Variants in TINAGL1 observed in about 807,000 individuals in gnomAD.
TINAGL1 encodes the protein tubulointerstitial nephritis antigen-like.
A neutral mutation model predicts 62.0 loss-of-function variants in TINAGL1; 34 were observed. The observed-to-expected ratio is 0.55, with a 90% confidence interval of 0.42 to 0.73. TINAGL1 has a LOEUF of 0.73. Ranked by LOEUF, TINAGL1 falls within the 30% of genes least tolerant of loss-of-function variation. TINAGL1 has a pLI of 0.00. For synonymous variants in TINAGL1, 221 were observed against 249.7 expected (o/e 0.88, Z 1.08); for missense variants, 516 against 653.2 (o/e 0.79, Z 2.29).
rs1432221635 is a variant in TINAGL1 at position 31,583,105 on chromosome 1, C to T, written c.375-44C>T. 6 of 1,577,050 alleles carry T rather than the reference C, an allele frequency of 3.8e-6. No homozygotes were observed. The highest frequency in any genetic ancestry group is 3.3e-5 in the South Asian group (3 of 90,338). On this transcript the variant is annotated intron_variant, in intron 3 of 11. Coordinates refer to ENST00000271064, the MANE Select transcript of TINAGL1 (RefSeq NM_022164.3). The surrounding 1 kb of genome is among the most constrained non-coding windows in gnomAD (Gnocchi z 4.4). ...CGAGGCCACATTCCTTCAAAGTATC[C>T]CCAGTCCCCCACTTACCCTTTCCTT...
intron 3 of TINAGL1, chr1:31,580,162 G>GCGCT: frequency 1.1e-5 from 5 of 472,564 alleles, no homozygotes; most frequent in Non-Finnish European, 1.1e-5. Flanking sequence ...GGGTTAATGC[G>GCGCT]CTCTCTCTCT....
In TINAGL1 at chr1:31,584,336, C is replaced by T; in HGVS notation, c.583-342C>T. The T allele has an allele frequency of 3.5e-6, 1 of 281,698 alleles. No individual in the cohort carries two copies. Among genetic ancestry groups the T allele is most frequent in the South Asian group, 5.0e-5 (1 of 19,836 alleles). 17.4% of individuals were successfully genotyped at this position (281,698 alleles called of 1,614,324 possible). A position where few individuals can be genotyped will look rare whatever the true frequency, so the allele number is the denominator to read the frequency against. On this transcript the variant is annotated intron_variant, in intron 5 of 11. Transcript: ENST00000271064. This position sits in a 1 kb window ranked among gnomAD's most constrained non-coding sequence, Gnocchi z 4.0. ...AGGCCTGAAGAAAGCTAAGGCCGAT[C>T]AGAAGGTGCAGAGGAAAGAGGCAGG...
In TINAGL1 at chr1:31,579,223, T is replaced by G. The variant is rs759664928; in HGVS notation, c.330T>G (p.Arg110=). Residue 110 remains arginine, a synonymous_variant, in exon 3 of 12, where the codon CGT becomes CGG. Coordinates refer to ENST00000271064, the MANE Select transcript of TINAGL1 (RefSeq NM_022164.3). ...CAACAGGATGTATGCATGGAGGTCG[T>G]ATCTATCCAGTCTTGGGAACGTACT... The part of the protein sequence containing the change: ...PPIQGCMHGG[R]IYPVLGTYWD... The G allele has an allele frequency of 1.2e-6, 2 of 1,614,130 alleles. No homozygotes were observed. Among genetic ancestry groups the G allele is most frequent in the South Asian group, 2.2e-5 (2 of 91,078 alleles).
rs1557557851 is a variant in TINAGL1 at position 31,580,199 on chromosome 1, C to CTCTCTCTG, written c.374+939_374+940insGTCTCTCT. 3,930 of 444,080 alleles carry CTCTCTCTG rather than the reference C, an allele frequency of 8.8e-3. 50 individuals carry two copies. Among genetic ancestry groups the CTCTCTCTG allele is most frequent in the African/African-American group, 0.032 (839 of 26,568 alleles). 27.5% of individuals were successfully genotyped at this position (444,080 alleles called of 1,614,324 possible). Reference sequence around the variant, plus strand: ...TCTCTCTCTCTCTCTCTCTCTCTCTCTCTCTCTCTCTCTGTCTCTCTCTCT... The same window carrying CTCTCTCTG: ...TCTCTCTCTCTCTCTCTCTCTCTCTCTCTCTCTGTCTCTCTCTCTCTGTCTCTCTCTCT... On this transcript the variant is annotated intron_variant, in intron 3 of 11. Coordinates refer to ENST00000271064, the MANE Select transcript of TINAGL1 (RefSeq NM_022164.3).
At chr1:31,580,113 G>T (rs1441492788) in intron 3 of TINAGL1, among the ~76,000 whole-genome samples, 1 of 151,390 alleles carries the variant, frequency 6.6e-6, no homozygotes, top group Admixed American at 6.6e-5. Context: ...TGCCTGGCCC[G>T]CGTCTGCAGG....
intron 10 of TINAGL1, chr1:31,586,208 TC>T: frequency 3.3e-6 from 1 of 303,974 alleles, no homozygotes; most frequent in Non-Finnish European, 6.1e-6. Context: ...GGGAGGTCGC[TC>T]CCCTGGCCTC....
rs76612043 is a variant in TINAGL1 at position 31,577,492 on chromosome 1, T to C, written c.310+34T>C. The C allele has an allele frequency of 1.1e-4, 176 of 1,576,328 alleles. No individual in the cohort carries two copies. The East Asian group carries it at 3.5e-3, about 32-fold the overall frequency. ...TAAGATGGCCAGGAGGGTGGGTCAC[T>C]TTGTCCACCTCAGACTCAGCAAGGC... is the stretch of plus-strand genomic sequence containing the variant. On this transcript the variant is annotated intron_variant, in intron 2 of 11. Coordinates refer to ENST00000271064, the MANE Select transcript of TINAGL1 (RefSeq NM_022164.3). This position sits in a 1 kb window ranked among gnomAD's most constrained non-coding sequence, Gnocchi z 5.4.
rs761565290 is a variant in TINAGL1, at chr1:31,585,181, G to C, written c.888G>C (p.Ser296=). 2 of 1,595,172 alleles carry C rather than the reference G, an allele frequency of 1.3e-6. No individual in the cohort carries two copies. The highest frequency in any genetic ancestry group is 1.7e-6 in the Non-Finnish European group (2 of 1,169,400). Residue 296 remains serine (S), a synonymous_variant, in exon 8 of 12, where the codon TCG becomes TCC. Coordinates refer to ENST00000271064, the MANE Select transcript of TINAGL1 (RefSeq NM_022164.3). The surrounding 1 kb of genome is among the most constrained non-coding windows in gnomAD (Gnocchi z 4.3). ...GVVSDHCYPF[S]GRERDEAGPA... is the part of the protein sequence containing the mutation. ...TGTCTGACCACTGCTACCCCTTCTC[G>C]GGCCGTGAACGAGACGAGGCTGGCC...
Position 31,584,367 on chromosome 1 carries a change from A to G in TINAGL1, c.583-311A>G. ...GTGCAGAGGAAAGAGGCAGGGGTTG[A>G]GAATGGAAAGCTGAGGGACCTGGCC... On this transcript the variant is annotated intron_variant, in intron 5 of 11. Coordinates refer to ENST00000271064, the MANE Select transcript of TINAGL1 (RefSeq NM_022164.3). The surrounding 1 kb of genome is among the most constrained non-coding windows in gnomAD (Gnocchi z 4.0). The G allele has an allele frequency of 2.7e-6, 1 of 368,012 alleles. No individual in the cohort carries two copies. The highest frequency in any genetic ancestry group is 3.2e-5 in the South Asian group (1 of 31,240). The allele number at this position is 368,012 out of a possible 1,614,324, so 22.8% of individuals were successfully genotyped here. A position where few individuals can be genotyped will look rare whatever the true frequency, so the allele number is the denominator to read the frequency against.
At position 31,586,578 on chromosome 1, in the gene TINAGL1, C is replaced by A. The variant is rs371880092; in HGVS notation, c.1218-132C>A. ...AGGGAGATGCAGAGAGGTACAGAGA[C>A]CTGCCTGAGCCCTAAGGGTGTACCC... On this transcript the variant is annotated intron_variant, in intron 10 of 11. Coordinates refer to ENST00000271064, the MANE Select transcript of TINAGL1 (RefSeq NM_022164.3). 178 of 1,009,138 alleles carry A rather than the reference C, an allele frequency of 1.8e-4. 2 individuals are homozygous for A. The African/African-American group carries it at 2.1e-3, about 12-fold the overall frequency. 62.5% of individuals were successfully genotyped at this position (1,009,138 alleles called of 1,614,324 possible). A position where few individuals can be genotyped will look rare whatever the true frequency, so the allele number is the denominator to read the frequency against.
At position 31,583,319 on chromosome 1, in the gene TINAGL1, C is replaced by G; in HGVS notation, c.467+78C>G. The G allele has an allele frequency of 6.5e-7, 1 of 1,527,934 alleles. No homozygotes were observed. The highest frequency in any genetic ancestry group is 2.3e-5 in the East Asian group (1 of 44,136). 94.6% of individuals were successfully genotyped at this position (1,527,934 alleles called of 1,614,324 possible). ...TATACACGCATGCTGTGCTGTGGGG[C>G]ACGTCCAGCAGGCCACTCCTACACC... On this transcript the variant is annotated intron_variant, in intron 4 of 11. Transcript: ENST00000271064. This position sits in a 1 kb window ranked among gnomAD's most constrained non-coding sequence, Gnocchi z 4.4.
Position 31,584,931 on chromosome 1 carries a change from C to A in TINAGL1, c.752C>A (p.Thr251Lys), listed in dbSNP as rs765424928. ...TCAATCCATTCTCTGGGACACATGA[C>A]GCCTGTCCTGTCGCCCCAGAACCTG... ...RVSIHSLGHM[T>K]PVLSPQNLLS... Residue 251 changes from threonine to lysine, a missense_variant, in exon 7 of 12, where the codon ACG (threonine) becomes AAG (lysine). Transcript: ENST00000271064. This position sits in a 1 kb window ranked among gnomAD's most constrained non-coding sequence, Gnocchi z 4.0. 2.5e-5 allele frequency: 40 copies of A among 1,612,022 alleles called. No individual in the cohort carries two copies. The highest frequency in any genetic ancestry group is 3.3e-5 in the Non-Finnish European group (39 of 1,178,350).
Position 31,577,079 on chromosome 1 carries a change from G to A in TINAGL1, c.-15-55G>A. ...AACTCACAGCTCCAGGAAACTGGGA[G>A]ACTCATCCCTGGTGTTCCAGGGAGT... On this transcript the variant is annotated intron_variant, in intron 1 of 11. Coordinates refer to ENST00000271064, the MANE Select transcript of TINAGL1 (RefSeq NM_022164.3). This position sits in a 1 kb window ranked among gnomAD's most constrained non-coding sequence, Gnocchi z 5.4. 2 of 1,387,182 alleles carry A rather than the reference G, an allele frequency of 1.4e-6. No individual in the cohort carries two copies. The highest frequency in any genetic ancestry group is 1.9e-6 in the Non-Finnish European group (2 of 1,056,770). 85.9% of individuals were successfully genotyped at this position (1,387,182 alleles called of 1,614,324 possible).
chr1:31,580,516 G>A (rs1329416642), intron 3 of TINAGL1: 1 of 1,289,282 alleles, frequency 7.8e-7, no homozygotes, highest in Admixed American at 2.3e-5. Flanking sequence ...AGGGGGAACA[G>A]CCTGGTGTGC....
At position 31,585,941 on chromosome 1, in the gene TINAGL1, G is replaced by C; in HGVS notation, c.1217+65G>C. ...GTTTGTGCTAGGGGCTCTGGAGCCT[G>C]CCTTGGGTTCTTACAACCTCTCTAA... On this transcript the variant is annotated intron_variant, in intron 10 of 11. Transcript: ENST00000271064. This position sits in a 1 kb window ranked among gnomAD's most constrained non-coding sequence, Gnocchi z 4.3. 2 of 1,489,290 alleles carry C rather than the reference G, an allele frequency of 1.3e-6. No homozygotes were observed. Among genetic ancestry groups the C allele is most frequent in the Non-Finnish European group, 1.8e-6 (2 of 1,116,470 alleles). The allele number at this position is 1,489,290 out of a possible 1,614,324, so 92.3% of individuals were successfully genotyped here.
intron 2 of TINAGL1, among the ~76,000 whole-genome samples, chr1:31,578,434 G>GGTT (rs1553148609): frequency 2.6e-4 from 26 of 99,958 alleles, no homozygotes; most frequent in Admixed American, 6.3e-4. Context: ...AGTGACAGCT[G>GGTT]GTGTGTGTGT....
chr1:31,583,328 C>T lies in TINAGL1; in HGVS notation c.467+87C>T. The T allele has an allele frequency of 6.7e-7, 1 of 1,502,444 alleles. No homozygotes were observed. Among genetic ancestry groups the T allele is most frequent in the East Asian group, 2.3e-5 (1 of 43,816 alleles). 93.1% of individuals were successfully genotyped at this position (1,502,444 alleles called of 1,614,324 possible). Reference sequence around the variant, plus strand: ...ATGCTGTGCTGTGGGGCACGTCCAGCAGGCCACTCCTACACCCAGATTTGA... The same window carrying T: ...ATGCTGTGCTGTGGGGCACGTCCAGTAGGCCACTCCTACACCCAGATTTGA... On this transcript the variant is annotated intron_variant, in intron 4 of 11. Coordinates refer to ENST00000271064, the MANE Select transcript of TINAGL1 (RefSeq NM_022164.3). The surrounding 1 kb of genome is among the most constrained non-coding windows in gnomAD (Gnocchi z 4.4).
Position 31,577,131 on chromosome 1 carries a change from C to T in TINAGL1, c.-15-3C>T, listed in dbSNP as rs1312832657. ...TCTGCTGCCCACCATCTCTGCCCCC[C>T]AGGGCCCAGGAGCCACCATGTGGCG... On this transcript the variant is annotated splice_polypyrimidine_tract_variant and splice_region_variant and intron_variant, in intron 1 of 11. Coordinates refer to ENST00000271064, the MANE Select transcript of TINAGL1 (RefSeq NM_022164.3). The surrounding 1 kb of genome is among the most constrained non-coding windows in gnomAD (Gnocchi z 5.4). 1 of 1,479,108 alleles carries T rather than the reference C, an allele frequency of 6.8e-7. No individual in the cohort carries two copies. The highest frequency in any genetic ancestry group is 1.4e-5 in the South Asian group (1 of 72,662). The allele number at this position is 1,479,108 out of a possible 1,614,324, so 91.6% of individuals were successfully genotyped here. A position where few individuals can be genotyped will look rare whatever the true frequency, so the allele number is the denominator to read the frequency against.
chr1:31,582,409 G>GA (rs1639270252), intron 3 of TINAGL1, among the ~76,000 whole-genome samples: 1 of 152,126 alleles, frequency 6.6e-6, no homozygotes, highest in Non-Finnish European at 1.5e-5. Flanking sequence ...CTTAGAACCA[G>GA]AACTTGAAGG....
Sources: gnomAD v4.1 joint callset for allele counts (sites outside exome capture counted in the v4.1 genomes callset) on GRCh38, gnomAD v4.1.1 for gene constraint, Gnocchi (gnomAD v3.1) non-coding constraint, MANE v1.5 for transcripts, NCBI Gene and HGNC (gene_info 2026-07-23, HGNC 2026-07-21) for gene names.